MBD5: variants seen among roughly 807,000 people sequenced by gnomAD.
The protein encoded by MBD5 is methyl-CpG-binding domain protein 5.
Under a neutral mutation model 117.3 loss-of-function variants are expected in MBD5, and 13 were observed. The observed-to-expected ratio is 0.11, with a 90% CI of 0.07 to 0.18. The LOEUF is 0.18. Among genes scored for constraint, MBD5 ranks in the 10% least tolerant of loss-of-function variants. The pLI, the probability that MBD5 is intolerant of heterozygous loss-of-function variation, is 1.00. For synonymous variants in MBD5, 727 were observed against 766.4 expected, an observed-to-expected ratio of 0.95 and a Z score of 0.85; for missense variants, 1,879 against 2,093.8, an observed-to-expected ratio of 0.90 and a Z score of 2.00.
chr2:148,101,351 A>G (rs1300769314), intron 1 of MBD5, among the ~76,000 whole-genome samples: 3 of 151,826 alleles, frequency 2.0e-5, no homozygotes, highest in Non-Finnish European at 4.4e-5. Context: ...ATTACTAGTC[A>G]TTCAGGTGGC....
chr2:148,021,451 T>A lies in MBD5; in HGVS notation c.-1158T>A. 1 of 567,628 alleles carries A rather than the reference T, an allele frequency of 1.8e-6. No individual in the cohort carries two copies. 35.2% of individuals were successfully genotyped at this position (567,628 alleles called of 1,614,324 possible). On this transcript the variant is annotated 5_prime_UTR_variant, in exon 1 of 14. The change creates a new upstream start codon in the 5' untranslated region. Transcript: ENST00000642680. ...AAAGCCTCTTAGCAACACAGACCCTTTGCTGCTGCTGTTGCTGCTGCTGCT... is the reference window on the plus strand; with the variant it reads ...AAAGCCTCTTAGCAACACAGACCCTATGCTGCTGCTGTTGCTGCTGCTGCT...
intron 1 of MBD5, among the ~76,000 whole-genome samples, chr2:148,046,396 A>G (rs1573949247): frequency 1.3e-5 from 2 of 152,186 alleles, no homozygotes; most frequent in East Asian, 3.8e-4. Context: ...AATTCAGCAT[A>G]TGATTAAGTT....
chr2:148,035,425 G>A (rs994199668), intron 1 of MBD5, among the ~76,000 whole-genome samples: 1 of 151,818 alleles, frequency 6.6e-6, no homozygotes, highest in African/African-American at 2.4e-5. Context: ...AAGCTTTCTT[G>A]AACTCCTACA....
At chr2:148,461,571 G>T (rs1291595034) in intron 5 of MBD5, among the ~76,000 whole-genome samples, 2 of 152,166 alleles carry the variant, frequency 1.3e-5, no homozygotes, top group Non-Finnish European at 2.9e-5. Context: ...GTTTCTGGAT[G>T]AACTTGGTCA....
intron 1 of MBD5, among the ~76,000 whole-genome samples, chr2:148,131,857 G>A (rs141388941): frequency 1.6e-3 from 249 of 152,252 alleles, no homozygotes; most frequent in African/African-American, 5.6e-3. Flanking sequence ...TTATAGATGA[G>A]TGGGATGTTA....
chr2:148,333,169 T>A (rs1195478897), intron 3 of MBD5, among the ~76,000 whole-genome samples: 2 of 152,204 alleles, frequency 1.3e-5, no homozygotes, highest in African/African-American at 2.4e-5. Context: ...CTAAAGAGTC[T>A]TATTTTCTGT....
chr2:148,224,379 C>T lies in MBD5; in HGVS notation c.-830-8866C>T, dbSNP rs370420216. On this transcript the variant is annotated intron_variant, in intron 2 of 13. Transcript: ENST00000642680. ...TATTTTTTGAGATGGAGTCTCGCTC[C>T]GTCACCAGGCTGGAGTGCAGTGGCA... Among the ~76,000 whole-genome samples the T allele has an allele frequency of 2.0e-4, 31 of 151,898 alleles. No individual in the cohort carries two copies. In the East Asian group the frequency reaches 2.3e-3, roughly 11 times the overall value.
At position 148,364,958 on chromosome 2, in the gene MBD5, G is replaced by A. The variant is rs565057934; in HGVS notation, c.-557+22622G>A. 4.6e-5 allele frequency among the ~76,000 whole-genome samples: 7 copies of A among 152,248 alleles called. No individual in the cohort carries two copies. In the East Asian group the frequency reaches 1.3e-3, roughly 29 times the overall value. On this transcript the variant is annotated intron_variant, in intron 4 of 13. Transcript: ENST00000642680. Reference sequence around the variant, plus strand: ...ACAGAAAATTAACAAGGATATTCAGGACGTGAACTCAGCTCTGGACCAAGC... The same window carrying A: ...ACAGAAAATTAACAAGGATATTCAGAACGTGAACTCAGCTCTGGACCAAGC...
At chr2:148,045,064 A>G (rs1002959824) in intron 1 of MBD5, among the ~76,000 whole-genome samples, 1 of 152,194 alleles carries the variant, frequency 6.6e-6, no homozygotes, top group African/African-American at 2.4e-5. Flanking sequence ...ACACAAATAC[A>G]TCATTATGTC....
chr2:148,483,500 C>T lies in MBD5; in HGVS notation c.2909C>T (p.Ala970Val), dbSNP rs1300652863. 1.9e-6 allele frequency: 3 copies of T among 1,612,990 alleles called. No individual in the cohort carries two copies. The Admixed American group carries it at 5.0e-5, about 27-fold the overall frequency. ...AACCCGAATGTAAACGCTGCTTTAG[C>T]TTTTCTCTCCAGTGACATGGATGGG... ...FLNPNVNAAL[A>V]FLSSDMDGQV... The change falls in exon 9 of 14, where the codon GCT becomes GTT. Residue 970 changes from alanine (A) to valine (V), a missense_variant. Transcript: ENST00000642680.
At chr2:148,366,909 A>G (rs1285897268) in intron 4 of MBD5, among the ~76,000 whole-genome samples, 1 of 152,082 alleles carries the variant, frequency 6.6e-6, no homozygotes, top group Non-Finnish European at 1.5e-5. Flanking sequence ...TATGCAAAGT[A>G]ATTTATAGAT....
intron 3 of MBD5, among the ~76,000 whole-genome samples, chr2:148,340,321 T>C (rs543535161): frequency 4.6e-5 from 7 of 152,314 alleles, no homozygotes; most frequent in Non-Finnish European, 8.8e-5. Context: ...CACTTTAGTT[T>C]GAATATTTCT....
chr2:148,431,527 T>C (rs757630861), intron 4 of MBD5, among the ~76,000 whole-genome samples: 1 of 152,024 alleles, frequency 6.6e-6, no homozygotes, highest in Non-Finnish European at 1.5e-5. Flanking sequence ...TTTTTTCTGA[T>C]CCTCTCTCTC....
chr2:148,093,545 T>A (rs916556243), intron 1 of MBD5, among the ~76,000 whole-genome samples: 9 of 152,338 alleles, frequency 5.9e-5, no homozygotes, highest in Admixed American at 5.9e-4. Flanking sequence ...TTAAAATTCA[T>A]TATTATACTG....
intron 2 of MBD5, among the ~76,000 whole-genome samples, chr2:148,222,976 G>C (rs1699728627): frequency 6.6e-6 from 1 of 151,994 alleles, no homozygotes; most frequent in Non-Finnish European, 1.5e-5. Flanking sequence ...GGATTATAAA[G>C]GGATGTTGAA....
chr2:148,237,401 A>C (rs766632410), intron 3 of MBD5, among the ~76,000 whole-genome samples: 1 of 152,140 alleles, frequency 6.6e-6, no homozygotes, highest in African/African-American at 2.4e-5. Context: ...TCATGTGAAC[A>C]CTTAGAGGCA....
chr2:148,455,052 T>C (rs996087458), intron 4 of MBD5, among the ~76,000 whole-genome samples: 9 of 152,158 alleles, frequency 5.9e-5, no homozygotes, highest in Non-Finnish European at 1.2e-4. Flanking sequence ...CATAGTGTTT[T>C]TGTATTTTCA....
intron 1 of MBD5, chr2:148,071,786 A>G (rs1265461846): frequency 6.6e-6 from 1 of 152,236 alleles, no homozygotes; most frequent in East Asian, 1.9e-4. Flanking sequence ...CAAATATTTC[A>G]TAGAGGATGC....
rs373031501 is a variant in MBD5, at chr2:148,267,384, G to C, written c.-680+33989G>C. 1.6e-4 allele frequency among the ~76,000 whole-genome samples: 24 copies of C among 152,244 alleles called. No individual in the cohort carries two copies. The South Asian group carries it at 4.6e-3, about 29-fold the overall frequency. On this transcript the variant is annotated intron_variant, in intron 3 of 13. Transcript: ENST00000642680. ...TTAGCATCAGCCCAAATAAAGATCA[G>C]ATGGGTTAAAGATGTTTACATTTTT...
Sources: allele counts gnomAD v4.1 joint callset (sites outside exome capture counted in the v4.1 genomes callset), GRCh38; gene constraint gnomAD v4.1.1; transcripts MANE v1.5; gene names NCBI Gene and HGNC (gene_info 2026-07-23, HGNC 2026-07-21).